The following CFAP54 variants were observed in gnomAD, a reference collection of about 807,000 sequenced individuals.
CFAP54 encodes cilia and flagella associated protein 54.
In CFAP54, 290 loss-of-function variants were observed where a neutral mutation model predicts 370.4. The observed-to-expected ratio is 0.78, with a 90% CI of 0.71 to 0.86. The LOEUF (loss-of-function observed/expected upper bound fraction) is 0.86, where lower values mean the gene tolerates loss of function less well. CFAP54 is among the 40% of genes least tolerant of loss of function. The pLI, the probability that CFAP54 is intolerant of heterozygous loss-of-function variation, is 0.00. For missense variants in CFAP54, 3,399 were observed against 3,528.7 expected, an observed-to-expected ratio of 0.96 and a Z score of 0.93; for synonymous variants, 1,206 against 1,236.5, an observed-to-expected ratio of 0.98 and a Z score of 0.52.
chr12:96,621,768 C>T (rs12231219), intron 27 of CFAP54, 47 bp downstream of exon 27: 23 of 1,380,952 alleles, frequency 1.7e-5, no homozygotes, highest in Non-Finnish European at 1.9e-6. Context: ...TAGTTTGCAT[C>T]TTTTAGGGGT....
At chr12:96,627,081 A>G (rs1956556750) in intron 30 of CFAP54, 142 bp downstream of exon 30, 1 of 467,650 alleles carries the variant, frequency 2.1e-6, no homozygotes, top group East Asian at 3.6e-5. Flanking sequence ...GTGAAAATTC[A>G]TGTCTGTGTA....
chr12:96,610,844 G>A (rs1403758132), intron 26 of CFAP54, among the ~76,000 whole-genome samples: 1 of 152,150 alleles, frequency 6.6e-6, no homozygotes, highest in Non-Finnish European at 1.5e-5. Flanking sequence ...TGGGGGAGGG[G>A]CACCTGCCAT....
intron 30 of CFAP54, among the ~76,000 whole-genome samples, chr12:96,629,439 A>T (rs1956581130): frequency 6.6e-6 from 1 of 150,534 alleles, no homozygotes; most frequent in South Asian, 2.1e-4. Flanking sequence ...AAGTAGCTGG[A>T]CTACAGTAGG....
intron 58 of CFAP54, among the ~76,000 whole-genome samples, chr12:96,758,216 G>A (rs73381249): frequency 0.02 from 2,997 of 152,222 alleles, 100 homozygotes; most frequent in African/African-American, 0.068. Flanking sequence ...GGAAATGAGG[G>A]AGAAGGAGGG....
chr12:96,639,757 A>G (rs1956703780), intron 32 of CFAP54, among the ~76,000 whole-genome samples: 1 of 152,218 alleles, frequency 6.6e-6, no homozygotes, highest in Non-Finnish European at 1.5e-5. Context: ...CATCCCTGGG[A>G]TGCAAGGCTG....
chr12:96,756,720 C>T (rs1375157762), intron 57 of CFAP54, among the ~76,000 whole-genome samples, 157 bp downstream of exon 57: 2 of 152,178 alleles, frequency 1.3e-5, no homozygotes, highest in African/African-American at 4.8e-5. Flanking sequence ...TTTGTTCTGA[C>T]CCAAAGCCTC....
At chr12:96,802,568 A>G (rs957635342) in intron 63 of CFAP54, among the ~76,000 whole-genome samples, 4 of 152,064 alleles carry the variant, frequency 2.6e-5, no homozygotes, top group Non-Finnish European at 4.4e-5. Flanking sequence ...CACCACCCAT[A>G]TGACACCAGC....
At chr12:96,627,380 G>T (rs1380336384) in intron 30 of CFAP54, among the ~76,000 whole-genome samples, 2 of 152,176 alleles carry the variant, frequency 1.3e-5, no homozygotes, top group African/African-American at 4.8e-5. Context: ...CCTTAAAGCT[G>T]CCCCTCTTAT....
chr12:96,867,000 T>C (rs1170912755), intron 67 of CFAP54, among the ~76,000 whole-genome samples: 2 of 152,162 alleles, frequency 1.3e-5, no homozygotes, highest in African/African-American at 2.4e-5. Context: ...TGCTGGGGTT[T>C]GGATGAAATG....
chr12:96,527,603 G>C (rs1330637904), intron 9 of CFAP54, among the ~76,000 whole-genome samples, 159 bp downstream of exon 9: 1 of 142,770 alleles, frequency 7.0e-6, no homozygotes, highest in Admixed American at 7.1e-5. Context: ...GTCTCTCTTT[G>C]TCACCCAGAC....
chr12:96,719,663 TTGAGC>T (rs1957725954), intron 49 of CFAP54, among the ~76,000 whole-genome samples: 1 of 152,200 alleles, frequency 6.6e-6, no homozygotes. Flanking sequence ...ACAGAAAAAT[TTGAGC>T]TGCTCAATGC....
At chr12:96,642,434 A>G (rs12829513) in intron 32 of CFAP54, among the ~76,000 whole-genome samples, 1 of 152,214 alleles carries the variant, frequency 6.6e-6, no homozygotes, top group Non-Finnish European at 1.5e-5. Context: ...ATCTATCTAA[A>G]TCTATCTTAT....
Position 96,754,000 on chromosome 12 carries a change from C to A in CFAP54, c.7840+102C>A, listed in dbSNP as rs1303853780. 5 of 1,195,268 alleles carry A rather than the reference C, an allele frequency of 4.2e-6. No individual in the cohort carries two copies. The African/African-American group carries it at 4.6e-5, about 11-fold the overall frequency. 74.0% of individuals were successfully genotyped at this position (1,195,268 alleles called of 1,614,324 possible). On this transcript the variant is annotated intron_variant, in intron 56 of 67. Transcript: ENST00000524981. The stretch of plus-strand genomic sequence containing the variant: ...ATCTGGTCCCTGACTATAAAAATTA[C>A]AAACATACAAAGGGCTTAGAGATGA...
At chr12:96,533,105 G>T (rs1955458747) in intron 9 of CFAP54, among the ~76,000 whole-genome samples, 1 of 151,856 alleles carries the variant, frequency 6.6e-6, no homozygotes, top group Non-Finnish European at 1.5e-5. Context: ...GTCACTTTCA[G>T]TTACTTTCAG....
chr12:96,557,481 T>C (rs975254259), intron 17 of CFAP54, among the ~76,000 whole-genome samples: 5 of 152,060 alleles, frequency 3.3e-5, no homozygotes, highest in Non-Finnish European at 7.4e-5. Context: ...CAACTACAGA[T>C]AGAAGGATGC....
chr12:96,502,784 G>A (rs1955045193), intron 2 of CFAP54, among the ~76,000 whole-genome samples: 5 of 152,128 alleles, frequency 3.3e-5, no homozygotes, highest in Admixed American at 2.6e-4. Context: ...AACCCTCCAG[G>A]TAACTGAGCC....
chr12:96,601,380 A>G (rs1236493626), intron 26 of CFAP54, among the ~76,000 whole-genome samples: 3 of 152,112 alleles, frequency 2.0e-5, no homozygotes, highest in Non-Finnish European at 4.4e-5. Context: ...GAGGATTTTC[A>G]CATCGATGTT....
intron 6 of CFAP54, 87 bp from the exon 7 acceptor site, chr12:96,521,770 A>G: frequency 3.0e-6 from 3 of 995,904 alleles, no homozygotes; most frequent in Non-Finnish European, 4.3e-6. Flanking sequence ...GATTAAATCA[A>G]ATGCCTGGGA....
intron 50 of CFAP54, among the ~76,000 whole-genome samples, chr12:96,727,547 T>C (rs994726181): frequency 1.4e-4 from 21 of 148,660 alleles, no homozygotes; most frequent in African/African-American, 3.3e-4. Flanking sequence ...TCCTCCATCC[T>C]TTTATTTTGA....
Sources: allele counts gnomAD v4.1 joint callset (sites outside exome capture counted in the v4.1 genomes callset), GRCh38; gene constraint gnomAD v4.1.1; transcripts MANE v1.5; gene names NCBI Gene and HGNC (gene_info 2026-07-23, HGNC 2026-07-21).